ZRANB3: variants seen among roughly 807,000 people sequenced by gnomAD.
The protein encoded by ZRANB3 is DNA annealing helicase and endonuclease ZRANB3.
Under a neutral mutation model 133.8 loss-of-function variants are expected in ZRANB3, and 125 were observed. The ratio of observed to expected loss-of-function variants is 0.93; its 90% CI spans 0.81 to 1.08. The LOEUF (loss-of-function observed/expected upper bound fraction) is 1.08. Ranked by LOEUF, ZRANB3 falls within the 50% of genes least tolerant of loss-of-function variation. The probability of loss-of-function intolerance (pLI) is 0.00; values close to 1 mark genes in which losing one functional copy is unlikely to be tolerated. For synonymous variants in ZRANB3, 387 were observed against 432.7 expected, an observed-to-expected ratio of 0.89 and a Z score of 1.31; for missense variants, 1,229 against 1,275.5, an observed-to-expected ratio of 0.96 and a Z score of 0.56.
chr2:135,468,836 G>A (rs994361372), intron 2 of ZRANB3, among the ~76,000 whole-genome samples: 4 of 152,166 alleles, frequency 2.6e-5, no homozygotes, highest in African/African-American at 9.7e-5. Context: ...ATTCAGTGGA[G>A]AGAACTAAGG....
At chr2:135,280,860 C>T (rs990000481) in intron 8 of ZRANB3, among the ~76,000 whole-genome samples, 4 of 152,230 alleles carry the variant, frequency 2.6e-5, no homozygotes, top group African/African-American at 7.2e-5. Flanking sequence ...TAAGCCCTCA[C>T]CTTGGCCTTC....
intron 2 of ZRANB3, among the ~76,000 whole-genome samples, chr2:135,477,384 C>A (rs929454878): frequency 6.6e-6 from 1 of 152,202 alleles, no homozygotes; most frequent in Non-Finnish European, 1.5e-5. Flanking sequence ...CCCTTGACAA[C>A]CAGCTTCTAA....
At position 135,272,554 on chromosome 2, in the gene ZRANB3, T is replaced by C. The variant is rs549801444; in HGVS notation, c.1087-667A>G. Among the ~76,000 whole-genome samples, 14 of 151,460 alleles carry C rather than the reference T, an allele frequency of 9.2e-5. 1 individual carries two copies. The highest frequency in any genetic ancestry group is 8.4e-4 in the South Asian group (4 of 4,750). ...TCAGCCTCCTGAGTAGCTGGGACTATAGGCGCCCGCCACCACGCCCGGCTA... is the reference window on the plus strand; with the variant it reads ...TCAGCCTCCTGAGTAGCTGGGACTACAGGCGCCCGCCACCACGCCCGGCTA... On this transcript the variant is annotated intron_variant, in intron 9 of 20. Transcript: ENST00000264159.
intron 20 of ZRANB3, among the ~76,000 whole-genome samples, chr2:135,201,370 C>A (rs80295457): frequency 6.6e-6 from 1 of 151,870 alleles, no homozygotes; most frequent in Non-Finnish European, 1.5e-5. Context: ...GAGAAGCTTA[C>A]GGTGGAGGGC....
chr2:135,209,659 G>T (rs553228722), intron 17 of ZRANB3, among the ~76,000 whole-genome samples: 1 of 152,130 alleles, frequency 6.6e-6, no homozygotes, highest in Non-Finnish European at 1.5e-5. Flanking sequence ...GGTGATGGGG[G>T]AATTTAAGTT....
At chr2:135,296,631 G>A (rs1047667195) in intron 8 of ZRANB3, among the ~76,000 whole-genome samples, 11 of 152,124 alleles carry the variant, frequency 7.2e-5, no homozygotes, top group Admixed American at 1.3e-4. Context: ...GAGGAGCTGC[G>A]TTCCTTTGGA....
At chr2:135,484,088 G>A (rs917010487) in intron 2 of ZRANB3, among the ~76,000 whole-genome samples, 1 of 152,152 alleles carries the variant, frequency 6.6e-6, no homozygotes, top group Admixed American at 6.6e-5. Context: ...TGTATATTTT[G>A]TTGATTTGGG....
chr2:135,332,988 C>A (rs996185709), intron 6 of ZRANB3, among the ~76,000 whole-genome samples: 2 of 152,106 alleles, frequency 1.3e-5, no homozygotes, highest in Non-Finnish European at 2.9e-5. Context: ...ATCAAAAAGG[C>A]CTGAAGCCTT....
At chr2:135,410,329 C>A (rs569762445) in intron 2 of ZRANB3, among the ~76,000 whole-genome samples, 1 of 152,130 alleles carries the variant, frequency 6.6e-6, no homozygotes, top group South Asian at 2.1e-4. Context: ...TGAAATAAGG[C>A]CACACAACTA....
intron 2 of ZRANB3, among the ~76,000 whole-genome samples, chr2:135,447,204 A>G (rs1472556958): frequency 6.6e-6 from 1 of 152,012 alleles, no homozygotes; most frequent in Non-Finnish European, 1.5e-5. Flanking sequence ...AAACCTAGCT[A>G]ATTTTTGTAT....
chr2:135,469,266 CACAT>C (rs1270122596), intron 2 of ZRANB3, among the ~76,000 whole-genome samples: 2 of 150,136 alleles, frequency 1.3e-5, no homozygotes, highest in African/African-American at 2.4e-5. Context: ...CACACACACA[CACAT>C]ATATGTGATA....
rs551323521 is a variant in ZRANB3 at position 135,454,381 on chromosome 2, C to T, written c.161+49948G>A. ...CTTTCACAAATAGTGACCAGGCTCTCATTATTAATTTATTGGGTCTCTCAC... is the reference window on the plus strand; with the variant it reads ...CTTTCACAAATAGTGACCAGGCTCTTATTATTAATTTATTGGGTCTCTCAC... On this transcript the variant is annotated intron_variant, in intron 2 of 20. Coordinates refer to ENST00000264159, the MANE Select transcript of ZRANB3 (RefSeq NM_032143.4). Among the ~76,000 whole-genome samples the T allele has an allele frequency of 1.5e-4, 23 of 152,236 alleles. No homozygotes were observed. In the South Asian group the frequency reaches 4.2e-3, roughly 28 times the overall value.
chr2:135,448,393 A>G (rs1490383589), intron 2 of ZRANB3, among the ~76,000 whole-genome samples: 2 of 152,238 alleles, frequency 1.3e-5, no homozygotes, highest in Non-Finnish European at 2.9e-5. Flanking sequence ...TAATCTTATG[A>G]TGAAACTTCA....
intron 12 of ZRANB3, among the ~76,000 whole-genome samples, chr2:135,261,591 A>T (rs1466501777): frequency 6.6e-6 from 1 of 152,234 alleles, no homozygotes; most frequent in Non-Finnish European, 1.5e-5. Context: ...AACTCAAGAA[A>T]GTAAAATTTG....
chr2:135,417,449 A>C lies in ZRANB3; in HGVS notation c.162-26629T>G, dbSNP rs559466455. On this transcript the variant is annotated intron_variant, in intron 2 of 20. Coordinates refer to ENST00000264159, the MANE Select transcript of ZRANB3 (RefSeq NM_032143.4). ...CCAGTTAGAATGGCAATCATTAAAA[A>C]GTCAGGAAACAACAAGTGCTGGAGA... Among the ~76,000 whole-genome samples, 5 of 152,248 alleles carry C rather than the reference A, an allele frequency of 3.3e-5. 1 individual carries two copies. In the East Asian group the frequency reaches 9.6e-4, roughly 29 times the overall value.
chr2:135,529,131 C>T (rs998759679), intron 1 of ZRANB3, among the ~76,000 whole-genome samples: 2 of 152,126 alleles, frequency 1.3e-5, no homozygotes, highest in African/African-American at 2.4e-5. Flanking sequence ...ACCATAAATA[C>T]AACAGGATTT....
intron 2 of ZRANB3, among the ~76,000 whole-genome samples, chr2:135,442,187 A>T (rs371508298): frequency 2.0e-5 from 3 of 152,142 alleles, no homozygotes; most frequent in Non-Finnish European, 2.9e-5. Context: ...AAGCCAAAAT[A>T]GACAAATGGG....
intron 8 of ZRANB3, among the ~76,000 whole-genome samples, chr2:135,305,944 A>G (rs1043222611): frequency 3.9e-5 from 6 of 151,980 alleles, no homozygotes; most frequent in African/African-American, 1.5e-4. Flanking sequence ...TTCTTTTGAG[A>G]AATCTGCTTT....
chr2:135,220,054 G>A (rs915799624), intron 15 of ZRANB3, among the ~76,000 whole-genome samples: 6 of 151,696 alleles, frequency 4.0e-5, no homozygotes, highest in Non-Finnish European at 8.8e-5. Flanking sequence ...TATATTTTTT[G>A]TAGAGACAGG....
Sources: gnomAD v4.1 joint callset for allele counts (sites outside exome capture counted in the v4.1 genomes callset) on GRCh38, gnomAD v4.1.1 for gene constraint, MANE v1.5 for transcripts, NCBI Gene and HGNC (gene_info 2026-07-23, HGNC 2026-07-21) for gene names.